SYT9: variants seen among roughly 807,000 people sequenced by gnomAD.
SYT9 encodes the protein synaptotagmin 9.
In SYT9, 22 loss-of-function variants were observed where a neutral mutation model predicts 48.4. The ratio of observed to expected loss-of-function variants is 0.45; its 90% CI spans 0.32 to 0.65. The LOEUF (loss-of-function observed/expected upper bound fraction) is 0.65, where lower values mean the gene tolerates loss of function less well. SYT9 is among the 30% of genes least tolerant of loss of function. The pLI is 0.03. For synonymous variants in SYT9, 265 were observed against 245.0 expected (o/e 1.08, Z -0.76); for missense variants, 577 against 622.0 (o/e 0.93, Z 0.77).
chr11:7,359,004 C>A, intron 3 of SYT9, among the ~76,000 whole-genome samples: 1 of 151,986 alleles, frequency 6.6e-6, no homozygotes, highest in East Asian at 1.9e-4. Flanking sequence ...TCCCCCCTCC[C>A]CTCACCCCAC....
chr11:7,448,577 C>A (rs1010428352), intron 6 of SYT9, among the ~76,000 whole-genome samples: 3 of 152,222 alleles, frequency 2.0e-5, no homozygotes, highest in Non-Finnish European at 4.4e-5. Context: ...CGATTATGCA[C>A]GTCAATCTAC....
At chr11:7,438,666 G>A (rs1847762832) in intron 6 of SYT9, 1 of 152,296 alleles carries the variant, frequency 6.6e-6, no homozygotes, top group Admixed American at 6.5e-5. Flanking sequence ...CATTGGTGCA[G>A]GTAGGTCTTT....
At chr11:7,456,125 G>T (rs950476874) in intron 6 of SYT9, among the ~76,000 whole-genome samples, 1 of 152,212 alleles carries the variant, frequency 6.6e-6, no homozygotes, top group East Asian at 1.9e-4. Flanking sequence ...TTTGTAGTTA[G>T]TTGGATACAT....
intron 3 of SYT9, among the ~76,000 whole-genome samples, chr11:7,369,099 A>G (rs534027533): frequency 3.3e-5 from 5 of 152,338 alleles, no homozygotes; most frequent in South Asian, 2.1e-4. Flanking sequence ...ACTCCCATCA[A>G]CAGTGTAAAA....
intron 3 of SYT9, 133 bp from the exon 4 acceptor site, chr11:7,415,909 G>A (rs1847237585): frequency 9.8e-6 from 11 of 1,117,280 alleles, no homozygotes; most frequent in Non-Finnish European, 1.4e-5. Context: ...GACATGAACG[G>A]AAGAGATACC....
chr11:7,359,868 T>C (rs1156235785), intron 3 of SYT9, among the ~76,000 whole-genome samples: 4 of 152,054 alleles, frequency 2.6e-5, no homozygotes, highest in Admixed American at 2.6e-4. Context: ...AGATCTGATT[T>C]GTCAATTTTG....
At chr11:7,336,236 A>G (rs1255198233) in intron 3 of SYT9, among the ~76,000 whole-genome samples, 2 of 152,160 alleles carry the variant, frequency 1.3e-5, no homozygotes, top group African/African-American at 2.4e-5. Flanking sequence ...AATGCTGGAT[A>G]TTAGACCTTT....
intron 1 of SYT9, among the ~76,000 whole-genome samples, chr11:7,246,214 G>T (rs767040253): frequency 6.6e-6 from 1 of 152,154 alleles, no homozygotes; most frequent in Non-Finnish European, 1.5e-5. Context: ...GATTCCTTCT[G>T]CCACAGTCCC....
chr11:7,429,714 G>T (rs998621893), intron 6 of SYT9, among the ~76,000 whole-genome samples: 1 of 152,002 alleles, frequency 6.6e-6, no homozygotes, highest in Non-Finnish European at 1.5e-5. Context: ...GGCTCACTGC[G>T]GTATGTCCAA....
chr11:7,454,911 G>A (rs1435878093), intron 6 of SYT9, among the ~76,000 whole-genome samples: 1 of 152,184 alleles, frequency 6.6e-6, no homozygotes, highest in East Asian at 1.9e-4. Flanking sequence ...AAGGCCCAAT[G>A]CTAACAGCAT....
intron 1 of SYT9, among the ~76,000 whole-genome samples, chr11:7,245,416 TTCTC>T (rs1847780790): frequency 1.3e-5 from 2 of 152,072 alleles, no homozygotes; most frequent in Middle Eastern, 3.2e-3. Context: ...TTCTTTTCTT[TTCTC>T]TCTTTTTTTT....
chr11:7,265,721 C>A (rs1448095338), intron 1 of SYT9, among the ~76,000 whole-genome samples: 2 of 147,912 alleles, frequency 1.4e-5, no homozygotes, highest in African/African-American at 2.5e-5. Context: ...TTTGTAAGTA[C>A]AGCTACTATT....
chr11:7,300,555 G>A (rs371720178), intron 1 of SYT9, among the ~76,000 whole-genome samples: 7 of 152,332 alleles, frequency 4.6e-5, no homozygotes, highest in African/African-American at 1.7e-4. Context: ...CTCCCAGTGT[G>A]CCCCTTCTCC....
At chr11:7,342,397 A>C (rs1242015333) in intron 3 of SYT9, among the ~76,000 whole-genome samples, 3 of 152,194 alleles carry the variant, frequency 2.0e-5, no homozygotes, top group Admixed American at 6.5e-5. Flanking sequence ...CGCATTCCAA[A>C]TGGGAGAAAT....
At chr11:7,259,972 A>G (rs1848047077) in intron 1 of SYT9, among the ~76,000 whole-genome samples, 4 of 152,140 alleles carry the variant, frequency 2.6e-5, no homozygotes, top group African/African-American at 4.8e-5. Context: ...AAAAGTTGTT[A>G]TAATTTGAAT....
chr11:7,371,950 A>T (rs963665174), intron 3 of SYT9, among the ~76,000 whole-genome samples: 3 of 152,126 alleles, frequency 2.0e-5, no homozygotes, highest in Admixed American at 6.6e-5. Flanking sequence ...TCTTGCTAAT[A>T]TGAATACAGC....
At chr11:7,374,190 TGTTA>T (rs943806560) in intron 3 of SYT9, among the ~76,000 whole-genome samples, 2 of 152,094 alleles carry the variant, frequency 1.3e-5, no homozygotes, top group African/African-American at 2.4e-5. Context: ...TCTGTTCCTT[TGTTA>T]GTTTGCTGAG....
At chr11:7,256,532 G>A (rs895241591) in intron 1 of SYT9, among the ~76,000 whole-genome samples, 7 of 152,178 alleles carry the variant, frequency 4.6e-5, no homozygotes, top group African/African-American at 7.2e-5. Flanking sequence ...AGTGAAAGTA[G>A]CTTCTTAGGT....
At chr11:7,267,701 GA>G (rs1382945285) in intron 1 of SYT9, among the ~76,000 whole-genome samples, 4 of 149,734 alleles carry the variant, frequency 2.7e-5, no homozygotes, top group Admixed American at 6.7e-5. Flanking sequence ...AATCAAAAGA[GA>G]AAAAAAAATA....
Sources: gnomAD v4.1 joint callset for allele counts (sites outside exome capture counted in the v4.1 genomes callset) on GRCh38, gnomAD v4.1.1 for gene constraint, MANE v1.5 for transcripts, NCBI Gene and HGNC (gene_info 2026-07-23, HGNC 2026-07-21) for gene names.